Variants in NVL observed in about 807,000 individuals in gnomAD.
The protein encoded by NVL is nuclear VCP like.
A neutral mutation model predicts 110.2 loss-of-function variants in NVL; 84 were observed. The observed-to-expected ratio is 0.76, with a 90% confidence interval of 0.64 to 0.91. The LOEUF (loss-of-function observed/expected upper bound fraction) is 0.91, where lower values mean the gene tolerates loss of function less well. Ranked by LOEUF, NVL falls within the 40% of genes least tolerant of loss-of-function variation. The pLI, the probability that NVL is intolerant of heterozygous loss-of-function variation, is 0.00. For synonymous variants in NVL, 354 were observed against 361.1 expected, an observed-to-expected ratio of 0.98 and a Z score of 0.22; for missense variants, 882 against 1,035.9, an observed-to-expected ratio of 0.85 and a Z score of 2.04.
intron 6 of NVL, 61 bp from the exon 7 acceptor site, chr1:224,305,227 C>G: frequency 5.9e-6 from 9 of 1,523,542 alleles, no homozygotes; most frequent in Non-Finnish European, 7.9e-6. Context: ...AATTGTTTTA[C>G]TTTTTAAAGA....
At chr1:224,269,084 CTTT>C (rs34790130) in intron 17 of NVL, among the ~76,000 whole-genome samples, 32 of 97,902 alleles carry the variant, frequency 3.3e-4, no homozygotes, top group Admixed American at 8.8e-4. Flanking sequence ...GTGAGACTAA[CTTT>C]TTTTTTTTTT....
chr1:224,321,872 G>C (rs552019585), intron 2 of NVL, among the ~76,000 whole-genome samples: 1 of 152,112 alleles, frequency 6.6e-6, no homozygotes, highest in South Asian at 2.1e-4. Flanking sequence ...ATATTTAAGA[G>C]ACCACAGCAA....
intron 20 of NVL, 97 bp from the exon 21 acceptor site, chr1:224,233,386 A>T: frequency 1.2e-6 from 1 of 809,792 alleles, no homozygotes; most frequent in Non-Finnish European, 1.8e-6. Flanking sequence ...TATATTAAAT[A>T]ATCAGGAGAA....
intron 2 of NVL, among the ~76,000 whole-genome samples, chr1:224,319,643 A>G (rs1375753442): frequency 1.3e-5 from 2 of 152,198 alleles, no homozygotes; most frequent in Non-Finnish European, 1.5e-5. Context: ...GATCCAGGCC[A>G]GCTAATTTAT....
chr1:224,307,319 A>G (rs1436920579), intron 6 of NVL, among the ~76,000 whole-genome samples: 1 of 152,228 alleles, frequency 6.6e-6, no homozygotes, highest in Non-Finnish European at 1.5e-5. Flanking sequence ...TGAAACTGAA[A>G]AGAAAGTCAG....
At chr1:224,255,951 G>A (rs1663172647) in intron 18 of NVL, among the ~76,000 whole-genome samples, 1 of 152,084 alleles carries the variant, frequency 6.6e-6, no homozygotes. Flanking sequence ...ATATTCAGTT[G>A]CTCCAGTACC....
chr1:224,275,958 G>A (rs1006154834), intron 16 of NVL, among the ~76,000 whole-genome samples: 5 of 152,076 alleles, frequency 3.3e-5, no homozygotes, highest in African/African-American at 7.2e-5. Flanking sequence ...GAGCCAACTA[G>A]GCACTTAACA....
chr1:224,273,305 C>A (rs185046509), intron 17 of NVL, among the ~76,000 whole-genome samples: 1 of 150,520 alleles, frequency 6.6e-6, no homozygotes, highest in Non-Finnish European at 1.5e-5. Flanking sequence ...CTCAGCTACT[C>A]GGGAGGCTGA....
In NVL at chr1:224,294,255, A is replaced by G. The variant is rs753090024; in HGVS notation, c.1325+12T>C. 2.5e-6 allele frequency: 4 copies of G among 1,613,868 alleles called. No individual in the cohort carries two copies. The highest frequency in any genetic ancestry group is 1.6e-4 in the Middle Eastern group (1 of 6,070). On this transcript the variant is annotated intron_variant, in intron 12 of 22. Coordinates refer to ENST00000281701, the MANE Select transcript of NVL (RefSeq NM_002533.4). ...CTTAGTGGCATACAAACTTCATTCT[A>G]TAAGAATATACCTTTCCCTGGATGC...
intron 2 of NVL, among the ~76,000 whole-genome samples, chr1:224,320,475 C>T (rs761779808): frequency 6.6e-6 from 1 of 152,082 alleles, no homozygotes; most frequent in Non-Finnish European, 1.5e-5. Context: ...GGTAAAACCC[C>T]ATCTCTACTA....
At chr1:224,297,013 A>G (rs1382856407) in intron 10 of NVL, among the ~76,000 whole-genome samples, 6 of 152,228 alleles carry the variant, frequency 3.9e-5, no homozygotes, top group Non-Finnish European at 5.9e-5. Flanking sequence ...AGCAAACCCA[A>G]GCTCACTAGA....
At position 224,294,559 on chromosome 1, in the gene NVL, A is replaced by G. The variant is rs572551576; in HGVS notation, c.1181-148T>C. ...AACCAACATTTATTAAATGTCAAAT[A>G]TGTAAAAGGTGTGAGGAGGATAAAT... On this transcript the variant is annotated intron_variant, in intron 11 of 22. Transcript: ENST00000281701. 1.8e-5 allele frequency: 13 copies of G among 726,448 alleles called. No homozygotes were observed. The East Asian group carries it at 3.3e-4, about 18-fold the overall frequency. 45.0% of individuals were successfully genotyped at this position (726,448 alleles called of 1,614,324 possible).
chr1:224,300,788 C>G (rs1330516993), intron 9 of NVL, 125 bp from the exon 10 acceptor site: 3 of 666,524 alleles, frequency 4.5e-6, no homozygotes, highest in African/African-American at 3.7e-5. Context: ...TTATGTTGGC[C>G]CAGTGAAAAA....
intron 18 of NVL, among the ~76,000 whole-genome samples, chr1:224,250,669 A>T (rs1662370547): frequency 6.6e-6 from 1 of 152,152 alleles, no homozygotes; most frequent in Non-Finnish European, 1.5e-5. Flanking sequence ...TCACTGGAGC[A>T]GCATATACTG....
At chr1:224,243,751 T>A (rs902969329) in intron 19 of NVL, among the ~76,000 whole-genome samples, 3 of 146,686 alleles carry the variant, frequency 2.0e-5, no homozygotes, top group South Asian at 4.5e-4. Context: ...AACCTCCACC[T>A]CCCGGGTTCA....
chr1:224,245,190 A>C (rs1661675048), intron 19 of NVL, among the ~76,000 whole-genome samples: 1 of 152,242 alleles, frequency 6.6e-6, no homozygotes, highest in Admixed American at 6.5e-5. Context: ...AACTGAAATA[A>C]AAAGGGTAAA....
intron 16 of NVL, among the ~76,000 whole-genome samples, chr1:224,278,435 T>C (rs1665990409): frequency 6.6e-6 from 1 of 152,012 alleles, no homozygotes; most frequent in Non-Finnish European, 1.5e-5. Context: ...TTCACCACAT[T>C]GGCCACACTG....
chr1:224,321,358 G>A (rs1434229759), intron 2 of NVL, among the ~76,000 whole-genome samples: 3 of 152,210 alleles, frequency 2.0e-5, no homozygotes, highest in Non-Finnish European at 4.4e-5. Flanking sequence ...GAACTGGTTT[G>A]AGGGCCATAG....
chr1:224,318,978 G>T (rs1394677068), intron 2 of NVL, among the ~76,000 whole-genome samples: 4 of 141,540 alleles, frequency 2.8e-5, no homozygotes, highest in Non-Finnish European at 6.1e-5. Flanking sequence ...GACAAAGCGG[G>T]ACTCCGTCTC....
Sources: allele counts gnomAD v4.1 joint callset (sites outside exome capture counted in the v4.1 genomes callset), GRCh38; gene constraint gnomAD v4.1.1; transcripts MANE v1.5; gene names NCBI Gene and HGNC (gene_info 2026-07-23, HGNC 2026-07-21).